The following NEGR1 variants were observed in gnomAD, a reference collection of about 807,000 sequenced individuals.
NEGR1 encodes the protein IgLON family member 4.
A neutral mutation model predicts 40.9 loss-of-function variants in NEGR1; 10 were observed. That is an observed-to-expected ratio of 0.24 (90% confidence interval 0.15 to 0.42). NEGR1 has a LOEUF of 0.42. NEGR1 is among the 10% of genes least tolerant of loss of function. NEGR1 has a pLI of 1.00. For missense variants in NEGR1, 352 were observed against 438.9 expected (o/e 0.80, Z 1.77); for synonymous variants, 185 against 166.8 (o/e 1.11, Z -0.84).
At chr1:72,174,727 A>C (rs1652099944) in intron 1 of NEGR1, among the ~76,000 whole-genome samples, 1 of 152,112 alleles carries the variant, frequency 6.6e-6, no homozygotes. Flanking sequence ...TTAATGGGCC[A>C]AAAGAGCAGG....
chr1:71,898,153 G>A (rs1661023021), intron 2 of NEGR1, among the ~76,000 whole-genome samples: 1 of 152,152 alleles, frequency 6.6e-6, no homozygotes, highest in Non-Finnish European at 1.5e-5. Context: ...AGTATTCAAT[G>A]ACATTACTGA....
intron 1 of NEGR1, among the ~76,000 whole-genome samples, chr1:71,993,089 T>A (rs1156377925): frequency 6.6e-6 from 1 of 152,216 alleles, no homozygotes; most frequent in Non-Finnish European, 1.5e-5. Context: ...TAGTATATTC[T>A]ATGAGGCAAA....
intron 1 of NEGR1, among the ~76,000 whole-genome samples, chr1:72,261,273 C>T (rs906477417): frequency 1.3e-5 from 2 of 151,928 alleles, no homozygotes; most frequent in African/African-American, 4.8e-5. Flanking sequence ...AATTTGGAGA[C>T]CAACAGTGTG....
intron 1 of NEGR1, among the ~76,000 whole-genome samples, chr1:72,206,988 A>G (rs1176159822): frequency 6.6e-6 from 1 of 151,718 alleles, no homozygotes; most frequent in Non-Finnish European, 1.5e-5. Context: ...TTTTGAAAGT[A>G]TAAATATTAG....
chr1:71,627,683 G>A (rs1178842520), intron 4 of NEGR1, among the ~76,000 whole-genome samples: 1 of 152,004 alleles, frequency 6.6e-6, no homozygotes. Flanking sequence ...ATTTGGAAGC[G>A]AAGGAGAGTC....
intron 6 of NEGR1, among the ~76,000 whole-genome samples, chr1:71,536,123 C>G (rs1647501495): frequency 6.6e-6 from 1 of 151,638 alleles, no homozygotes; most frequent in South Asian, 2.1e-4. Flanking sequence ...AGAAGAATGG[C>G]ATGAGTAAGG....
intron 1 of NEGR1, among the ~76,000 whole-genome samples, chr1:72,160,913 A>T (rs1343282546): frequency 2.0e-5 from 3 of 152,282 alleles, no homozygotes; most frequent in African/African-American, 7.2e-5. Context: ...TAAATAAAAA[A>T]CTATTATTTA....
At chr1:71,581,756 G>A (rs933207517) in intron 6 of NEGR1, among the ~76,000 whole-genome samples, 2 of 148,424 alleles carry the variant, frequency 1.3e-5, no homozygotes, top group African/African-American at 5.0e-5. Context: ...AGGCTGCAGT[G>A]CAGTGGCGTG....
At chr1:71,664,740 A>G (rs1404956745) in intron 4 of NEGR1, among the ~76,000 whole-genome samples, 2 of 152,164 alleles carry the variant, frequency 1.3e-5, no homozygotes, top group East Asian at 3.9e-4. Context: ...AAAAAAATAT[A>G]TATCTCTTTG....
chr1:71,478,647 A>G (rs1328901098), intron 6 of NEGR1, among the ~76,000 whole-genome samples: 3 of 151,980 alleles, frequency 2.0e-5, no homozygotes, highest in Non-Finnish European at 4.4e-5. Flanking sequence ...TAGTTAATGA[A>G]CTAAATTTAG....
intron 1 of NEGR1, among the ~76,000 whole-genome samples, chr1:72,216,384 C>CATAT (rs56819538): frequency 3.2e-4 from 41 of 129,246 alleles, no homozygotes; most frequent in East Asian, 8.5e-4. Context: ...TATATATATA[C>CATAT]ATATATATAT....
intron 2 of NEGR1, among the ~76,000 whole-genome samples, chr1:71,897,114 T>A (rs1252813524): frequency 1.3e-5 from 2 of 152,110 alleles, no homozygotes; most frequent in South Asian, 4.1e-4. Context: ...TGCTGAGTAT[T>A]CTTCTCTGTT....
rs540478675 is a variant in NEGR1, at chr1:71,778,891, T to C, written c.410-2594A>G. ...AATATTCAGCACTAGTATTTGGCTA[T>C]ATAGAGAAACAATTAAGTCCCTTAG... is the stretch of plus-strand genomic sequence containing the variant. On this transcript the variant is annotated intron_variant, in intron 2 of 6. Coordinates refer to ENST00000357731, the MANE Select transcript of NEGR1 (RefSeq NM_173808.3). 3.9e-4 allele frequency among the ~76,000 whole-genome samples: 59 copies of C among 152,342 alleles called. 1 individual carries two copies. In the Middle Eastern group the frequency reaches 0.02, roughly 53 times the overall value.
chr1:72,192,157 A>G (rs1652841333), intron 1 of NEGR1, among the ~76,000 whole-genome samples: 1 of 151,956 alleles, frequency 6.6e-6, no homozygotes, highest in East Asian at 1.9e-4. Context: ...TGTAAGGACT[A>G]TATTTTATGA....
intron 3 of NEGR1, among the ~76,000 whole-genome samples, chr1:71,711,340 C>T (rs1292238800): frequency 1.1e-4 from 1 of 8,944 alleles, no homozygotes; most frequent in African/African-American, 1.8e-4. Flanking sequence ...CGAGATTCCA[C>T]CAAAAAAAAA....
At chr1:71,575,667 C>T (rs1648941056) in intron 6 of NEGR1, among the ~76,000 whole-genome samples, 1 of 152,134 alleles carries the variant, frequency 6.6e-6, no homozygotes, top group Non-Finnish European at 1.5e-5. Context: ...CCTGTAGTCT[C>T]AGCTACTCGG....
At chr1:71,806,891 T>A (rs894137907) in intron 2 of NEGR1, among the ~76,000 whole-genome samples, 1 of 142,724 alleles carries the variant, frequency 7.0e-6, no homozygotes, top group Middle Eastern at 3.5e-3. Flanking sequence ...TCGATCTGTT[T>A]TTTTTTGTTT....
intron 2 of NEGR1, among the ~76,000 whole-genome samples, chr1:71,799,730 T>C (rs76841876): frequency 6.6e-6 from 1 of 151,040 alleles, no homozygotes; most frequent in African/African-American, 2.5e-5. Flanking sequence ...TTTTTTTTTT[T>C]GAGATGGAGT....
chr1:72,262,361 T>C (rs922426703), intron 1 of NEGR1, among the ~76,000 whole-genome samples: 1 of 152,040 alleles, frequency 6.6e-6, no homozygotes, highest in African/African-American at 2.4e-5. Context: ...TGGTTTCCTT[T>C]ATAGTGACAA....
Sources: gnomAD v4.1 joint callset for allele counts (sites outside exome capture counted in the v4.1 genomes callset) on GRCh38, gnomAD v4.1.1 for gene constraint, MANE v1.5 for transcripts, NCBI Gene and HGNC (gene_info 2026-07-23, HGNC 2026-07-21) for gene names.